The following DCTN2 variants were observed in gnomAD, a reference collection of about 807,000 sequenced individuals.
DCTN2 encodes the protein 50 kDa dynein-associated polypeptide.
Under a neutral mutation model 55.4 loss-of-function variants are expected in DCTN2, and 18 were observed. The ratio of observed to expected loss-of-function variants is 0.32; its 90% CI spans 0.22 to 0.48. The LOEUF is 0.48. DCTN2 is among the 20% of genes least tolerant of loss of function. DCTN2 has a pLI of 0.99. For missense variants in DCTN2, 390 were observed against 491.0 expected, an observed-to-expected ratio of 0.79 and a Z score of 1.94; for synonymous variants, 168 against 185.2, an observed-to-expected ratio of 0.91 and a Z score of 0.76.
At chr12:57,538,314 C>T (rs1377678509) in intron 2 of DCTN2, 2 of 638,128 alleles carry the variant, frequency 3.1e-6, no homozygotes, top group East Asian at 3.0e-5. Flanking sequence ...CTCTAGTCCT[C>T]CAGTAGCACC....
chr12:57,533,042 A>C lies in DCTN2; in HGVS notation c.736-20T>G. 6.3e-7 allele frequency: 1 copy of C among 1,591,546 alleles called. No individual in the cohort carries two copies. The highest frequency in any genetic ancestry group is 8.5e-7 in the Non-Finnish European group (1 of 1,170,518). On this transcript the variant is annotated intron_variant, in intron 8 of 13. Coordinates refer to ENST00000548249, the MANE Select transcript of DCTN2 (RefSeq NM_001261413.2). ...GGGATTCTGGTGGGAAAGGAAGGGA[A>C]GAAGTGAGTGGTCCTTATATCTCCA... is the stretch of plus-strand genomic sequence containing the variant.
At chr12:57,544,419 G>GT (rs35689804) in intron 2 of DCTN2, among the ~76,000 whole-genome samples, 23,578 of 140,420 alleles carry the variant, frequency 0.17, 2,092 homozygotes, top group East Asian at 0.27. Context: ...TGTTGTACTG[G>GT]TTTTTTTTTT....
chr12:57,533,129 A>G (rs1287474313), intron 8 of DCTN2, 107 bp from the exon 9 acceptor site: 1 of 1,562,092 alleles, frequency 6.4e-7, no homozygotes, highest in Admixed American at 1.8e-5. Context: ...TGATCCCTGT[A>G]ACTGAAGCCC....
chr12:57,535,908 C>T, intron 2 of DCTN2, 63 bp from the exon 3 acceptor site: 2 of 1,287,738 alleles, frequency 1.6e-6, no homozygotes, highest in East Asian at 4.9e-5. Context: ...TTACTCTACC[C>T]CACAAAATCC....
chr12:57,534,361 G>A lies in DCTN2; in HGVS notation c.455C>T (p.Ser152Phe). 6.2e-7 allele frequency: 1 copy of A among 1,612,888 alleles called. No homozygotes were observed. Among genetic ancestry groups the A allele is most frequent in the South Asian group, 1.1e-5 (1 of 90,838 alleles). Reference protein sequence around the residue: ...LAALKQQLVASHLEKLLGPDA... With the variant: ...LAALKQQLVAFHLEKLLGPDA... ...TGGTCCCAGCAGCTTCTCCAGGTGG[G>A]AAGCAACCAGCTGCTGCTTCAGGGC... The change falls in exon 6 of 14, where the codon TCC (serine) becomes TTC (phenylalanine). Residue 152 changes from serine (S) to phenylalanine (F), a missense_variant. By Grantham distance (155) the Ser-to-Phe change is radical. Around this residue, in one of 2 missense-constraint regions of DCTN2, gnomAD observed 117 missense variants for 187.8 expected, o/e 0.62. Transcript: ENST00000548249.
intron 4 of DCTN2, 158 bp from the exon 5 acceptor site, chr12:57,535,312 G>C (rs1460774975): frequency 1.0e-6 from 1 of 999,778 alleles, no homozygotes. Context: ...AGGGCTGGAG[G>C]CTCTCCAGAA....
intron 2 of DCTN2, chr12:57,544,281 C>T: frequency 2.9e-6 from 1 of 340,642 alleles, no homozygotes; most frequent in East Asian, 7.5e-5. Context: ...ATAGTAACTG[C>T]ATATAACCTA....
Position 57,547,138 on chromosome 12 carries a change from G to T in DCTN2, c.-75C>A. 8.3e-7 allele frequency: 1 copy of T among 1,210,732 alleles called. No homozygotes were observed. The allele number at this position is 1,210,732 out of a possible 1,614,324, so 75.0% of individuals were successfully genotyped here. On this transcript the variant is annotated 5_prime_UTR_variant, in exon 1 of 14. Transcript: ENST00000548249. ...CGGTGTTCGGGTAGGGGAGAGGCTG[G>T]GTTCGGGTCCCGGGCTAAGGCGGCG...
At chr12:57,543,630 G>T (rs1001154646) in intron 2 of DCTN2, among the ~76,000 whole-genome samples, 3 of 152,218 alleles carry the variant, frequency 2.0e-5, no homozygotes, top group Non-Finnish European at 4.4e-5. Flanking sequence ...ACATGCGGGG[G>T]CCAGAGACAT....
chr12:57,531,754 C>T (rs927281200), intron 13 of DCTN2, among the ~76,000 whole-genome samples: 17 of 151,938 alleles, frequency 1.1e-4, no homozygotes, highest in African/African-American at 3.6e-4. Flanking sequence ...TGTTCACTAG[C>T]CCCTAACAAT....
chr12:57,534,372 C>T lies in DCTN2; in HGVS notation c.444G>A (p.Gln148=). 1 of 1,613,004 alleles carries T rather than the reference C, an allele frequency of 6.2e-7. No homozygotes were observed. The highest frequency in any genetic ancestry group is 8.5e-7 in the Non-Finnish European group (1 of 1,179,308). Residue 148 remains glutamine (Q), a synonymous_variant, in exon 6 of 14, where the codon CAG becomes CAA. Transcript: ENST00000548249. The part of the protein sequence containing the change: ...LAKQLAALKQ[Q]LVASHLEKLL... ...GCTTCTCCAGGTGGGAAGCAACCAG[C>T]TGCTGCTTCAGGGCTGCCAGCTGTT...
intron 13 of DCTN2, among the ~76,000 whole-genome samples, 187 bp downstream of exon 13, chr12:57,531,828 G>T (rs1372735820): frequency 6.6e-6 from 1 of 152,238 alleles, no homozygotes; most frequent in Non-Finnish European, 1.5e-5. Context: ...CAGATGGAAA[G>T]ATGGAGGTTC....
At chr12:57,535,323 C>T (rs1217949148) in intron 4 of DCTN2, 161 bp downstream of exon 4, 5 of 1,070,906 alleles carry the variant, frequency 4.7e-6, no homozygotes, top group Non-Finnish European at 6.9e-6. Flanking sequence ...CTCTCCAGAA[C>T]AAACAGCAGT....
At chr12:57,541,487 TCTAAA>T in intron 2 of DCTN2, 1 of 1,087,808 alleles carries the variant, frequency 9.2e-7, no homozygotes, top group Non-Finnish European at 1.4e-6. Flanking sequence ...TCCAGGATCT[TCTAAA>T]CTGTAAGGAA....
chr12:57,543,616 A>T (rs1202019261), intron 2 of DCTN2, among the ~76,000 whole-genome samples: 2 of 152,210 alleles, frequency 1.3e-5, no homozygotes, highest in Non-Finnish European at 2.9e-5. Context: ...CAAGCCCCAT[A>T]GGGACATGCG....
Position 57,535,397 on chromosome 12 carries a change from G to A in DCTN2, c.264+87C>T, listed in dbSNP as rs374410043. 3.7e-5 allele frequency: 56 copies of A among 1,513,856 alleles called. No individual in the cohort carries two copies. The highest frequency in any genetic ancestry group is 2.0e-4 in the East Asian group (9 of 44,332). The allele number at this position is 1,513,856 out of a possible 1,614,324, so 93.8% of individuals were successfully genotyped here. A position where few individuals can be genotyped will look rare whatever the true frequency, so the allele number is the denominator to read the frequency against. ...AGGAACAGAGGAGGAACAGAATCCC[G>A]CCTGTATCCCTTGATCTCCCTACTA... On this transcript the variant is annotated intron_variant, in intron 4 of 13. Coordinates refer to ENST00000548249, the MANE Select transcript of DCTN2 (RefSeq NM_001261413.2).
rs1333551289 is a variant in DCTN2, at chr12:57,546,880, G to T, written c.36+148C>A. ...CAGTCGGGTCAGAAGAGTTCGGGGG[G>T]TGCTGAGGCCGATCGGAGAACGAGC... is the stretch of plus-strand genomic sequence containing the variant. On this transcript the variant is annotated intron_variant, in intron 1 of 13. Transcript: ENST00000548249. The T allele has an allele frequency of 1.2e-5, 8 of 653,362 alleles. No individual in the cohort carries two copies. The East Asian group carries it at 2.1e-4, about 17-fold the overall frequency. The allele number at this position is 653,362 out of a possible 1,614,324, so 40.5% of individuals were successfully genotyped here.
intron 2 of DCTN2, among the ~76,000 whole-genome samples, chr12:57,540,687 G>T (rs964743141): frequency 6.6e-5 from 10 of 152,222 alleles, no homozygotes; most frequent in African/African-American, 2.4e-4. Context: ...TCAAAACCAT[G>T]ATGACAAGGA....
intron 2 of DCTN2, among the ~76,000 whole-genome samples, chr12:57,539,200 C>A (rs1380717607): frequency 2.0e-5 from 3 of 152,238 alleles, no homozygotes; most frequent in African/African-American, 7.2e-5. Context: ...GCCCCGTTCT[C>A]ATTTCCTCCT....
Sources: allele counts gnomAD v4.1 joint callset (sites outside exome capture counted in the v4.1 genomes callset), GRCh38; gene constraint gnomAD v4.1.1; regional missense constraint gnomAD v4.1.1; transcripts MANE v1.5; gene names NCBI Gene and HGNC (gene_info 2026-07-23, HGNC 2026-07-21).